The following ADAMTSL3 variants were observed in gnomAD, a reference collection of about 807,000 sequenced individuals.
ADAMTSL3 encodes the protein ADAMTS like 3, also known as ADAMTS-like protein 3.
ADAMTSL3 carries 128 observed loss-of-function variants against 201.7 expected under a neutral mutation model. That is an observed-to-expected ratio of 0.63 (90% CI 0.55 to 0.73). The LOEUF is 0.73. Among genes scored for constraint, ADAMTSL3 ranks in the 30% least tolerant of loss-of-function variants. The probability of loss-of-function intolerance (pLI) is 0.00; values close to 1 mark genes in which losing one functional copy is unlikely to be tolerated. For synonymous variants in ADAMTSL3, 738 were observed against 748.4 expected (o/e 0.99, Z 0.23); for missense variants, 1,990 against 2,119.6 (o/e 0.94, Z 1.20).
intron 8 of ADAMTSL3, among the ~76,000 whole-genome samples, chr15:83,863,857 A>T (rs541519221): frequency 6.6e-6 from 1 of 152,228 alleles, no homozygotes; most frequent in Non-Finnish European, 1.5e-5. Flanking sequence ...AACAAAATTG[A>T]TAGACTGCTA....
chr15:83,998,186 T>C (rs2067723701), intron 23 of ADAMTSL3, among the ~76,000 whole-genome samples: 1 of 152,216 alleles, frequency 6.6e-6, no homozygotes, highest in South Asian at 2.1e-4. Context: ...CTAAATAGGC[T>C]GACACCTGTA....
At chr15:83,958,174 A>C (rs2142084435) in intron 19 of ADAMTSL3, among the ~76,000 whole-genome samples, 1 of 152,348 alleles carries the variant, frequency 6.6e-6, no homozygotes, top group East Asian at 1.9e-4. Flanking sequence ...TGTCACGAAT[A>C]AATAGCATGA....
At chr15:83,940,030 C>G (rs1567250465) in intron 17 of ADAMTSL3, among the ~76,000 whole-genome samples, 1 of 152,050 alleles carries the variant, frequency 6.6e-6, no homozygotes, top group Non-Finnish European at 1.5e-5. Flanking sequence ...TTTTTAACCT[C>G]TTGAAATGGT....
chr15:83,828,566 G>C (rs1304472058), intron 6 of ADAMTSL3, among the ~76,000 whole-genome samples: 9 of 152,112 alleles, frequency 5.9e-5, no homozygotes, highest in African/African-American at 9.7e-5. Context: ...ACACTATGTT[G>C]AATAGGAGTG....
intron 15 of ADAMTSL3, among the ~76,000 whole-genome samples, chr15:83,910,021 T>C (rs2065904222): frequency 6.6e-6 from 1 of 152,186 alleles, no homozygotes; most frequent in Admixed American, 6.5e-5. Flanking sequence ...TTTCTCTCTC[T>C]CTCAACACTG....
chr15:83,943,143 T>G, intron 19 of ADAMTSL3, 61 bp downstream of exon 19: 2 of 1,520,700 alleles, frequency 1.3e-6, no homozygotes, highest in Admixed American at 2.1e-5. Flanking sequence ...TTTCAGCTTC[T>G]AAATATTTCC....
intron 3 of ADAMTSL3, among the ~76,000 whole-genome samples, chr15:83,747,197 A>C (rs1426163): frequency 0.24 from 36,744 of 152,064 alleles, 4,964 homozygotes; most frequent in East Asian, 0.44. Context: ...CAAGTGTCTG[A>C]AATCCTAGTT....
Position 84,038,867 on chromosome 15 carries a change from A to C in ADAMTSL3, c.*1061A>C, listed in dbSNP as rs1406613339. On this transcript the variant is annotated 3_prime_UTR_variant, in exon 30 of 30. Transcript: ENST00000286744. ...AAGGGTAAGGGTTAGTTTCAGTTTT[A>C]GGATTAGAGCTAGAATTGGGTTAGG... 6.6e-6 allele frequency: 1 copy of C among 152,190 alleles called. No individual in the cohort carries two copies. Among genetic ancestry groups the C allele is most frequent in the African/African-American group, 2.4e-5 (1 of 41,430 alleles). The allele number at this position is 152,190 out of a possible 1,614,324, so 9.4% of individuals were successfully genotyped here.
At chr15:83,917,913 T>A (rs2066068568) in intron 16 of ADAMTSL3, among the ~76,000 whole-genome samples, 1 of 152,242 alleles carries the variant, frequency 6.6e-6, no homozygotes, top group Non-Finnish European at 1.5e-5. Context: ...TGTGGTACAC[T>A]GTATTAATAA....
At chr15:83,895,919 A>T (rs1188514589) in intron 13 of ADAMTSL3, among the ~76,000 whole-genome samples, 1 of 152,172 alleles carries the variant, frequency 6.6e-6, no homozygotes, top group Non-Finnish European at 1.5e-5. Flanking sequence ...GAGATTTCCC[A>T]ATATTCTGCC....
intron 24 of ADAMTSL3, among the ~76,000 whole-genome samples, chr15:84,015,519 T>A (rs1406035911): frequency 1.3e-5 from 2 of 152,194 alleles, no homozygotes; most frequent in African/African-American, 2.4e-5. Context: ...TGGTATTTTT[T>A]AATCTCATTG....
At chr15:83,705,603 G>A (rs561952804) in intron 3 of ADAMTSL3, among the ~76,000 whole-genome samples, 6 of 152,184 alleles carry the variant, frequency 3.9e-5, no homozygotes, top group African/African-American at 1.4e-4. Flanking sequence ...AAGGATGAAA[G>A]TCTTGCAGAG....
At chr15:83,835,105 G>T (rs929591256) in intron 6 of ADAMTSL3, among the ~76,000 whole-genome samples, 1 of 151,914 alleles carries the variant, frequency 6.6e-6, no homozygotes, top group African/African-American at 2.4e-5. Flanking sequence ...ATGGTGGCGG[G>T]TAGCTGTAGT....
intron 10 of ADAMTSL3, among the ~76,000 whole-genome samples, chr15:83,889,536 C>T (rs1007580858): frequency 5.3e-5 from 8 of 152,148 alleles, no homozygotes; most frequent in Non-Finnish European, 2.9e-5. Flanking sequence ...AACAACCTTA[C>T]GTAAGACGGT....
At chr15:83,960,953 C>T (rs1176464059) in intron 19 of ADAMTSL3, among the ~76,000 whole-genome samples, 3 of 152,046 alleles carry the variant, frequency 2.0e-5, no homozygotes, top group Non-Finnish European at 2.9e-5. Context: ...GCAAGAGTCA[C>T]ATGGATAACA....
chr15:83,662,478 A>C (rs2061184580), intron 2 of ADAMTSL3, among the ~76,000 whole-genome samples: 1 of 149,328 alleles, frequency 6.7e-6, no homozygotes, highest in Admixed American at 6.7e-5. Flanking sequence ...CTAGATGACG[A>C]GTTAGTGGGT....
intron 26 of ADAMTSL3, among the ~76,000 whole-genome samples, chr15:84,024,031 G>A (rs1004444087): frequency 3.9e-5 from 6 of 152,162 alleles, no homozygotes; most frequent in Admixed American, 6.5e-5. Context: ...CGAGGCGGGC[G>A]GATCACGAGG....
chr15:83,867,050 A>G (rs1025364441), intron 8 of ADAMTSL3, among the ~76,000 whole-genome samples: 2 of 152,238 alleles, frequency 1.3e-5, no homozygotes, highest in African/African-American at 2.4e-5. Flanking sequence ...GAATATCTAA[A>G]TATAGAAGTG....
chr15:83,997,990 C>A, intron 23 of ADAMTSL3, among the ~76,000 whole-genome samples: 2 of 148,902 alleles, frequency 1.3e-5, no homozygotes, highest in African/African-American at 5.0e-5. Flanking sequence ...AACTGAGTGC[C>A]AAGAGTCCTC....
Sources: gnomAD v4.1 joint callset for allele counts (sites outside exome capture counted in the v4.1 genomes callset) on GRCh38, gnomAD v4.1.1 for gene constraint, MANE v1.5 for transcripts, NCBI Gene and HGNC (gene_info 2026-07-23, HGNC 2026-07-21) for gene names.